ZNF653: variants seen among roughly 807,000 people sequenced by gnomAD.
ZNF653 encodes zinc finger protein 653.
In ZNF653, 37 loss-of-function variants were observed where a neutral mutation model predicts 59.9. The observed-to-expected ratio is 0.62, with a 90% CI of 0.48 to 0.81. The LOEUF (loss-of-function observed/expected upper bound fraction) is 0.81, where lower values mean the gene tolerates loss of function less well. Among genes scored for constraint, ZNF653 ranks in the 40% least tolerant of loss-of-function variants. The pLI is 0.00. For synonymous variants in ZNF653, 435 were observed against 371.8 expected (o/e 1.17, Z -1.96); for missense variants, 808 against 881.1 (o/e 0.92, Z 1.05).
In ZNF653 at chr19:11,496,047, G is replaced by C. The variant is rs1462031402; in HGVS notation, c.462C>G (p.Thr154=). ...CAGCTTCGCACTGCCACACGGCCGT[G>C]GTGTACAGGCCAAAAGTGGGGTCTA... ...AELDPTFGLY[T]TAVWQCEAGH... is the part of the protein sequence containing the mutation. Residue 154 remains threonine, a synonymous_variant, in exon 3 of 9, where the codon ACC becomes ACG. Transcript: ENST00000293771. 1 of 1,614,164 alleles carries C rather than the reference G, an allele frequency of 6.2e-7. No homozygotes were observed. Among genetic ancestry groups the C allele is most frequent in the Admixed American group, 1.7e-5 (1 of 60,020 alleles).
At chr19:11,484,740 G>A (rs537231522) in intron 7 of ZNF653, among the ~76,000 whole-genome samples, 1 of 151,470 alleles carries the variant, frequency 6.6e-6, no homozygotes, top group Non-Finnish European at 1.5e-5. Context: ...TTCGCAAAAT[G>A]AAAACAAAAA....
Position 11,495,632 on chromosome 19 carries a change from G to A in ZNF653, c.559+318C>T, listed in dbSNP as rs577326538. ...GCTGTGGGGGCCGAGCCCTGCCCCA[G>A]CAGGCCTGCCCCCGCCCCAGCTGCC... On this transcript the variant is annotated intron_variant, in intron 3 of 8. Transcript: ENST00000293771. This position sits in a 1 kb window ranked among gnomAD's most constrained non-coding sequence, Gnocchi z 4.9. 2 of 395,842 alleles carry A rather than the reference G, an allele frequency of 5.1e-6. No individual in the cohort carries two copies. The highest frequency in any genetic ancestry group is 2.4e-5 in the South Asian group (1 of 41,084). The allele number at this position is 395,842 out of a possible 1,614,324, so 24.5% of individuals were successfully genotyped here.
chr19:11,484,309 G>C (rs1041125115), intron 7 of ZNF653, among the ~76,000 whole-genome samples, 168 bp from the exon 8 acceptor site: 1 of 151,976 alleles, frequency 6.6e-6, no homozygotes, highest in Non-Finnish European at 1.5e-5. Flanking sequence ...GCCCACAGAC[G>C]CCATCAAGCA....
intron 2 of ZNF653, among the ~76,000 whole-genome samples, chr19:11,497,766 C>T (rs887138422): frequency 3.9e-5 from 6 of 152,158 alleles, no homozygotes; most frequent in Admixed American, 2.0e-4. Flanking sequence ...GCCGCCTCTC[C>T]GGCCCAGCCC....
At chr19:11,498,394 G>C in intron 1 of ZNF653, 55 bp from the exon 2 acceptor site, 1 of 1,611,276 alleles carries the variant, frequency 6.2e-7, no homozygotes, top group Admixed American at 1.7e-5. Context: ...GGGCCTGTCT[G>C]ACCCATGAGT....
intron 3 of ZNF653, among the ~76,000 whole-genome samples, chr19:11,491,440 A>C (rs1464373568): frequency 6.6e-6 from 1 of 152,056 alleles, no homozygotes; most frequent in African/African-American, 2.4e-5. Context: ...TGGGAAACAA[A>C]CCACTGTGCC....
intron 2 of ZNF653, among the ~76,000 whole-genome samples, chr19:11,496,735 T>C (rs1037499602): frequency 5.3e-5 from 8 of 152,272 alleles, no homozygotes; most frequent in African/African-American, 1.9e-4. Context: ...GGCATGGTGG[T>C]GTATGCCTTT....
chr19:11,485,288 TGGGTG>T (rs781717353), intron 7 of ZNF653, among the ~76,000 whole-genome samples: 9 of 151,838 alleles, frequency 5.9e-5, no homozygotes, highest in African/African-American at 9.7e-5. Flanking sequence ...TGCTGCTGCT[TGGGTG>T]GGCACTGGTC....
In ZNF653 at chr19:11,484,260, G is replaced by C; in HGVS notation, c.1571-119C>G. On this transcript the variant is annotated intron_variant, in intron 7 of 8. Transcript: ENST00000293771. ...CTCCTTGGATCTCCCAGGACTGCAG[G>C]TGCAGGCCGACCAAACCCTACGTCC... The C allele has an allele frequency of 3.7e-6, 3 of 805,370 alleles. No homozygotes were observed. In the South Asian group the frequency reaches 4.7e-5, roughly 13 times the overall value. 49.9% of individuals were successfully genotyped at this position (805,370 alleles called of 1,614,324 possible).
chr19:11,503,164 T>C (rs999893213), intron 1 of ZNF653, among the ~76,000 whole-genome samples: 1 of 152,210 alleles, frequency 6.6e-6, no homozygotes, highest in South Asian at 2.1e-4. Context: ...GTCCTCTCCA[T>C]GGCTCTGGAT....
intron 7 of ZNF653, 44 bp from the exon 8 acceptor site, chr19:11,484,185 G>C (rs763151776): frequency 6.9e-7 from 1 of 1,446,990 alleles, no homozygotes; most frequent in Non-Finnish European, 9.5e-7. Flanking sequence ...GGGCTATGGG[G>C]TGTCTCTGAT....
chr19:11,487,810 G>C lies in ZNF653; in HGVS notation c.653C>G (p.Ala218Gly). ...CGTCGCTGCCGCTGCCGCTGCCGCA[G>C]CCTTGACCGGCTGGCCCTCAGGAGA... ...EESPEGQPVK[A>G]AAAAAAATPT... Residue 218 changes from alanine (A) to glycine (G), a missense_variant, in exon 4 of 9, where the codon GCT becomes GGT. Ala to Gly is a moderately conservative substitution (Grantham distance 60). Transcript: ENST00000293771. This position sits in a 1 kb window ranked among gnomAD's most constrained non-coding sequence, Gnocchi z 5.1. 1 of 1,612,196 alleles carries C rather than the reference G, an allele frequency of 6.2e-7. No individual in the cohort carries two copies.
At position 11,495,565 on chromosome 19, in the gene ZNF653, C is replaced by T. The variant is rs1033375888; in HGVS notation, c.559+385G>A. ...GCCAGGGCTCAGGAGAGCATCACAG[C>T]CTATGAAGCCATAAGGCCTGGGTGG... On this transcript the variant is annotated intron_variant, in intron 3 of 8. Transcript: ENST00000293771. The surrounding 1 kb of genome is among the most constrained non-coding windows in gnomAD (Gnocchi z 4.9). 7.2e-6 allele frequency: 2 copies of T among 278,470 alleles called. No homozygotes were observed. Among genetic ancestry groups the T allele is most frequent in the South Asian group, 3.8e-5 (1 of 26,416 alleles). The allele number at this position is 278,470 out of a possible 1,614,324, so 17.2% of individuals were successfully genotyped here. A position where few individuals can be genotyped will look rare whatever the true frequency, so the allele number is the denominator to read the frequency against.
intron 7 of ZNF653, among the ~76,000 whole-genome samples, chr19:11,484,721 T>C (rs796632503): frequency 6.6e-6 from 1 of 151,916 alleles, no homozygotes; most frequent in African/African-American, 2.4e-5. Context: ...TATTTGAACT[T>C]TGGGTGATTT....
rs746767532 is a variant in ZNF653 at position 11,483,757 on chromosome 19, G to A, written c.1773C>T (p.Cys591=). The change falls in exon 9 of 9, where the codon TGC becomes TGT. Residue 591 remains cysteine, a synonymous_variant. Transcript: ENST00000293771. ...TGTCCAGCTTCTCGAAGCGCTTCCC[G>A]CAGCGATCGCACGTGAAGTTGTACT... ...EVQYNFTCDR[C]GKRFEKLDSV... 3.1e-6 allele frequency: 5 copies of A among 1,613,592 alleles called. No individual in the cohort carries two copies. Among genetic ancestry groups the A allele is most frequent in the Admixed American group, 1.7e-5 (1 of 59,986 alleles).
intron 3 of ZNF653, among the ~76,000 whole-genome samples, chr19:11,494,087 C>T (rs148332427): frequency 1.3e-5 from 2 of 151,938 alleles, no homozygotes; most frequent in Admixed American, 6.6e-5. Flanking sequence ...TTAGGGAGGC[C>T]GAGGCAGGAG....
rs1971571815 is a variant in ZNF653, at chr19:11,495,094, C to T, written c.559+856G>A. On this transcript the variant is annotated intron_variant, in intron 3 of 8. Coordinates refer to ENST00000293771, the MANE Select transcript of ZNF653 (RefSeq NM_138783.4). This position sits in a 1 kb window ranked among gnomAD's most constrained non-coding sequence, Gnocchi z 4.9. ...TGGGATGCCACCTGCTCCGAGATGC[C>T]AGCCAGCGCAGGCTCAGCCCTGGTG... is the stretch of plus-strand genomic sequence containing the variant. Among the ~76,000 whole-genome samples the T allele has an allele frequency of 1.3e-5, 2 of 152,186 alleles. No individual in the cohort carries two copies. The highest frequency in any genetic ancestry group is 4.1e-4 in the South Asian group (2 of 4,822).
intron 7 of ZNF653, among the ~76,000 whole-genome samples, chr19:11,484,520 G>A (rs561209930): frequency 1.3e-5 from 2 of 152,136 alleles, no homozygotes; most frequent in South Asian, 4.1e-4. Flanking sequence ...CGATTCTTCT[G>A]CCTCAGCCTC....
chr19:11,485,143 G>A (rs910940483), intron 7 of ZNF653, among the ~76,000 whole-genome samples: 1 of 151,830 alleles, frequency 6.6e-6, no homozygotes, highest in African/African-American at 2.4e-5. Context: ...CTCAGGGCAT[G>A]CCCTATCGCT....
Sources: allele counts gnomAD v4.1 joint callset (sites outside exome capture counted in the v4.1 genomes callset), GRCh38; gene constraint gnomAD v4.1.1; non-coding constraint Gnocchi (gnomAD v3.1); transcripts MANE v1.5; gene names NCBI Gene and HGNC (gene_info 2026-07-23, HGNC 2026-07-21).